Variants in EYS observed in about 807,000 individuals in gnomAD.
The protein encoded by EYS is protein eyes shut homolog.
EYS carries 250 observed loss-of-function variants against 282.1 expected under a neutral mutation model. The ratio of observed to expected loss-of-function variants is 0.89; its 90% CI spans 0.80 to 0.98. The LOEUF is 0.98. Ranked by LOEUF, EYS falls within the 50% of genes least tolerant of loss-of-function variation. The pLI is 0.00. For synonymous variants in EYS, 1,355 were observed against 1,282.9 expected (o/e 1.06, Z -1.20); for missense variants, 4,016 against 3,709.0 (o/e 1.08, Z -2.15).
chr6:64,507,551 T>G (rs2150516469), intron 26 of EYS, among the ~76,000 whole-genome samples: 1 of 152,332 alleles, frequency 6.6e-6, no homozygotes, highest in African/African-American at 2.4e-5. Context: ...TTATTTCAAA[T>G]GACAACCATA....
Position 64,168,260 on chromosome 6 carries a change from C to CAATAAATAAATA in EYS, c.6424+62320_6424+62331dup, listed in dbSNP as rs377467664. 7.2e-3 allele frequency among the ~76,000 whole-genome samples: 1,085 copies of CAATAAATAAATA among 151,370 alleles called. 22 individuals carry two copies. The highest frequency in any genetic ancestry group is 0.024 in the African/African-American group (993 of 40,904). ...TGGGCGACAGAGCGAAACTCCATTT[C>CAATAAATAAATA]AATAAATAAATAAATAAATAAATAA... On this transcript the variant is annotated intron_variant, in intron 31 of 42. Coordinates refer to ENST00000503581, the MANE Select transcript of EYS (RefSeq NM_001142800.2).
chr6:65,418,091 G>A (rs1767311836), intron 5 of EYS, among the ~76,000 whole-genome samples: 1 of 151,922 alleles, frequency 6.6e-6, no homozygotes. Context: ...TATAATTTTT[G>A]GAAAAATATG....
intron 2 of EYS, among the ~76,000 whole-genome samples, chr6:65,612,585 C>G (rs1766038408): frequency 6.6e-6 from 1 of 151,506 alleles, no homozygotes; most frequent in African/African-American, 2.4e-5. Context: ...ATTTCTATTG[C>G]TGAGTTAACT....
At position 63,887,909 on chromosome 6, in the gene EYS, C is replaced by A. The variant is rs576554810; in HGVS notation, c.7056-23551G>T. 2.0e-5 allele frequency among the ~76,000 whole-genome samples: 3 copies of A among 152,358 alleles called. No homozygotes were observed. In the East Asian group the frequency reaches 5.8e-4, roughly 29 times the overall value. ...GCCCAGCACTGGCTTGAAATTCTTG[C>A]TGCCATCACAGCAGTCTGAAGTTGA... On this transcript the variant is annotated intron_variant, in intron 35 of 42. Coordinates refer to ENST00000503581, the MANE Select transcript of EYS (RefSeq NM_001142800.2).
At chr6:64,781,816 C>G (rs1773872688) in intron 22 of EYS, among the ~76,000 whole-genome samples, 1 of 152,026 alleles carries the variant, frequency 6.6e-6, no homozygotes, top group Admixed American at 6.6e-5. Context: ...GGAATGTGTG[C>G]AAAAATAAAA....
intron 12 of EYS, among the ~76,000 whole-genome samples, chr6:65,271,813 A>T (rs571191866): frequency 6.6e-6 from 1 of 152,172 alleles, no homozygotes; most frequent in African/African-American, 2.4e-5. Flanking sequence ...TGAACTCCTG[A>T]CGTCAAGCGA....
chr6:65,604,839 C>CCG lies in EYS; in HGVS notation c.-333+34938_-333+34939insCG, dbSNP rs765410095. The stretch of plus-strand genomic sequence containing the variant: ...TGTAAAAGACCTTTAAATTCACTGC[C>CCG]CCCTTTTTTTTTTTTTTTTTTTGAG... On this transcript the variant is annotated intron_variant, in intron 2 of 42. Transcript: ENST00000503581. Among the ~76,000 whole-genome samples, 471 of 113,116 alleles carry CCG rather than the reference C, an allele frequency of 4.2e-3. 18 individuals are homozygous for CCG. In the Admixed American group the frequency reaches 0.045, roughly 11 times the overall value. The allele number at this position is 113,116 out of a possible 152,430, so 74.2% of individuals were successfully genotyped here. A position where few individuals can be genotyped will look rare whatever the true frequency, so the allele number is the denominator to read the frequency against.
chr6:65,404,204 C>A (rs936172595), intron 6 of EYS, among the ~76,000 whole-genome samples: 5 of 151,956 alleles, frequency 3.3e-5, no homozygotes, highest in Admixed American at 3.3e-4. Flanking sequence ...ATCATCAAAT[C>A]CCCCTTTGAC....
At chr6:64,949,156 C>T (rs1267967320) in intron 14 of EYS, among the ~76,000 whole-genome samples, 1 of 151,776 alleles carries the variant, frequency 6.6e-6, no homozygotes, top group Non-Finnish European at 1.5e-5. Context: ...TCTCTTACTG[C>T]CTAAAAGATT....
chr6:64,776,398 C>G (rs995914354), intron 22 of EYS, among the ~76,000 whole-genome samples: 3 of 151,962 alleles, frequency 2.0e-5, no homozygotes, highest in African/African-American at 7.3e-5. Context: ...TAACACCAGA[C>G]AAAGATTTTT....
intron 19 of EYS, among the ~76,000 whole-genome samples, chr6:64,832,696 A>G (rs1765260750): frequency 6.6e-6 from 1 of 151,942 alleles, no homozygotes; most frequent in Non-Finnish European, 1.5e-5. Flanking sequence ...TTTTGGTGAC[A>G]GTATCATGGA....
chr6:65,266,919 CAT>C (rs1767769906), intron 12 of EYS, among the ~76,000 whole-genome samples: 1 of 142,572 alleles, frequency 7.0e-6, no homozygotes, highest in Non-Finnish European at 1.5e-5. Flanking sequence ...CATCTTGAGA[CAT>C]ATATATACAC....
intron 22 of EYS, among the ~76,000 whole-genome samples, chr6:64,802,013 A>ATTTTT (rs1415788607): frequency 8.1e-6 from 1 of 124,164 alleles, no homozygotes; most frequent in Admixed American, 7.8e-5. Context: ...GTTATAACAA[A>ATTTTT]TTTCTTTTTC....
intron 12 of EYS, among the ~76,000 whole-genome samples, chr6:65,219,378 A>G (rs1012997888): frequency 3.3e-5 from 5 of 152,158 alleles, no homozygotes; most frequent in African/African-American, 1.2e-4. Flanking sequence ...AGAATAGTTC[A>G]CAACCTAAAT....
chr6:65,430,939 A>T (rs2150384042), intron 5 of EYS, among the ~76,000 whole-genome samples: 1 of 152,290 alleles, frequency 6.6e-6, no homozygotes, highest in South Asian at 2.1e-4. Flanking sequence ...TCCTCAGGTG[A>T]GATGCAGCAC....
Position 65,449,119 on chromosome 6 carries a change from T to C in EYS, c.862+41475A>G, listed in dbSNP as rs1764309062. ...CACAAAAATAACCTAGTCCAAAAGA[T>C]TCTTGGGGCCATCTGCTCTGTTTTG... On this transcript the variant is annotated intron_variant, in intron 5 of 42. Coordinates refer to ENST00000503581, the MANE Select transcript of EYS (RefSeq NM_001142800.2). Among the ~76,000 whole-genome samples the C allele has an allele frequency of 2.6e-5, 4 of 152,196 alleles. No homozygotes were observed. The South Asian group carries it at 8.3e-4, about 31-fold the overall frequency.
chr6:64,693,902 A>G (rs1056263438), intron 22 of EYS, among the ~76,000 whole-genome samples: 7 of 152,162 alleles, frequency 4.6e-5, no homozygotes, highest in Non-Finnish European at 7.4e-5. Context: ...TTGTTCACAT[A>G]TATGTATTAC....
At chr6:64,168,630 TAAAAC>T (rs1056450208) in intron 31 of EYS, among the ~76,000 whole-genome samples, 5 of 152,066 alleles carry the variant, frequency 3.3e-5, no homozygotes, top group African/African-American at 9.7e-5. Context: ...TAAGTAAAAA[TAAAAC>T]AAGCCAGATA....
intron 12 of EYS, among the ~76,000 whole-genome samples, chr6:65,151,762 T>C (rs1287135262): frequency 6.6e-6 from 1 of 151,988 alleles, no homozygotes; most frequent in Admixed American, 6.6e-5. Flanking sequence ...CAACATATAA[T>C]ACATTATATT....
Sources: allele counts gnomAD v4.1 joint callset (sites outside exome capture counted in the v4.1 genomes callset), GRCh38; gene constraint gnomAD v4.1.1; transcripts MANE v1.5; gene names NCBI Gene and HGNC (gene_info 2026-07-23, HGNC 2026-07-21).